The following TMEM178B variants were observed in gnomAD, a reference collection of about 807,000 sequenced individuals.
TMEM178B encodes the protein transmembrane protein 178B.
A neutral mutation model predicts 31.0 loss-of-function variants in TMEM178B; 5 were observed. The ratio of observed to expected loss-of-function variants is 0.16; its 90% CI spans 0.08 to 0.34. The LOEUF is 0.34. Ranked by LOEUF, TMEM178B falls within the 10% of genes least tolerant of loss-of-function variation. TMEM178B has a pLI of 1.00. For missense variants in TMEM178B, 275 were observed against 400.3 expected (o/e 0.69, Z 2.67); for synonymous variants, 164 against 164.0 (o/e 1.00, Z 0.00).
At chr7:141,167,431 G>A (rs1028279248) in intron 1 of TMEM178B, among the ~76,000 whole-genome samples, 6 of 152,242 alleles carry the variant, frequency 3.9e-5, no homozygotes, top group African/African-American at 9.6e-5. Context: ...GTGAGTGTGC[G>A]CGAATCGTGT....
chr7:141,196,045 G>A (rs1168832764), intron 1 of TMEM178B, among the ~76,000 whole-genome samples: 3 of 152,116 alleles, frequency 2.0e-5, no homozygotes, highest in Non-Finnish European at 2.9e-5. Flanking sequence ...TTTGAGTGGG[G>A]ACACAGCCAA....
chr7:141,214,225 CCATT>C (rs919168266), intron 2 of TMEM178B, among the ~76,000 whole-genome samples: 8 of 152,128 alleles, frequency 5.3e-5, no homozygotes, highest in Non-Finnish European at 8.8e-5. Flanking sequence ...TGTGGATTAA[CCATT>C]GAAATCTAAC....
chr7:141,501,477 G>A, the TMEM178B span, among the ~76,000 whole-genome samples: 5 of 152,046 alleles, frequency 3.3e-5, no homozygotes, highest in Non-Finnish European at 4.4e-5. Flanking sequence ...ACACTGTGAT[G>A]GTCTAATTTT....
chr7:141,441,916 G>A (rs758082541), intron 3 of TMEM178B, among the ~76,000 whole-genome samples: 15 of 152,140 alleles, frequency 9.9e-5, no homozygotes, highest in Non-Finnish European at 1.6e-4. Flanking sequence ...TAATTAAGTA[G>A]GGCAGCTTTG....
intron 2 of TMEM178B, among the ~76,000 whole-genome samples, chr7:141,233,115 C>G (rs1797473466): frequency 6.6e-6 from 1 of 152,214 alleles, no homozygotes; most frequent in African/African-American, 2.4e-5. Flanking sequence ...CCCTGCTCCT[C>G]TCTCCAAGGC....
At chr7:141,174,285 C>A (rs1342710818) in intron 1 of TMEM178B, among the ~76,000 whole-genome samples, 2 of 152,178 alleles carry the variant, frequency 1.3e-5, no homozygotes, top group African/African-American at 4.8e-5. Flanking sequence ...CTGCAAAGGA[C>A]ATGAACTCAT....
intron 1 of TMEM178B, among the ~76,000 whole-genome samples, chr7:141,138,190 T>C (rs564786275): frequency 6.6e-6 from 1 of 151,902 alleles, no homozygotes; most frequent in African/African-American, 2.4e-5. Flanking sequence ...GCCTCCCGAA[T>C]AGCTGGGACT....
chr7:141,258,473 A>G (rs1285294154), intron 2 of TMEM178B, among the ~76,000 whole-genome samples: 1 of 149,984 alleles, frequency 6.7e-6, no homozygotes, highest in Admixed American at 6.6e-5. Flanking sequence ...TAAATAATAA[A>G]TCTTATGCCT....
chr7:141,142,477 T>C (rs1795788851), intron 1 of TMEM178B, among the ~76,000 whole-genome samples: 1 of 151,720 alleles, frequency 6.6e-6, no homozygotes, highest in South Asian at 2.1e-4. Flanking sequence ...GTGCATTCTC[T>C]GCTCGCTGCA....
chr7:141,140,170 G>A (rs1795747919), intron 1 of TMEM178B, among the ~76,000 whole-genome samples: 1 of 152,110 alleles, frequency 6.6e-6, no homozygotes, highest in Non-Finnish European at 1.5e-5. Context: ...CTTGTTTATG[G>A]CACTTCAGGC....
At chr7:141,227,501 A>G (rs1797365290) in intron 2 of TMEM178B, among the ~76,000 whole-genome samples, 2 of 152,210 alleles carry the variant, frequency 1.3e-5, no homozygotes, top group South Asian at 2.1e-4. Context: ...TATTATTATT[A>G]TATCTGTTTG....
At chr7:141,346,929 TGTG>T (rs1799629616) in intron 2 of TMEM178B, among the ~76,000 whole-genome samples, 1 of 152,092 alleles carries the variant, frequency 6.6e-6, no homozygotes, top group African/African-American at 2.4e-5. Context: ...GGATTGTGGG[TGTG>T]GTGTCTAGTG....
intron 1 of TMEM178B, among the ~76,000 whole-genome samples, chr7:141,160,844 T>G (rs1447637772): frequency 6.6e-6 from 1 of 152,104 alleles, no homozygotes; most frequent in Non-Finnish European, 1.5e-5. Context: ...TTCAACACAT[T>G]TTTATTGGAT....
At chr7:141,197,391 G>A (rs1432794202) in intron 1 of TMEM178B, among the ~76,000 whole-genome samples, 2 of 152,188 alleles carry the variant, frequency 1.3e-5, no homozygotes, top group East Asian at 3.9e-4. Flanking sequence ...AGTGCTGCAG[G>A]ACACAGGAGG....
chr7:141,336,975 C>T (rs1195777656), intron 2 of TMEM178B, among the ~76,000 whole-genome samples: 22 of 103,444 alleles, frequency 2.1e-4, no homozygotes, highest in African/African-American at 3.7e-4. Flanking sequence ...ACCACCACCA[C>T]CACCACCCCC....
intron 2 of TMEM178B, among the ~76,000 whole-genome samples, chr7:141,408,838 G>T (rs1032479115): frequency 6.6e-6 from 1 of 152,190 alleles, no homozygotes; most frequent in African/African-American, 2.4e-5. Flanking sequence ...CGCAGAAAGG[G>T]GAGGTGAGTT....
intron 2 of TMEM178B, among the ~76,000 whole-genome samples, chr7:141,309,628 G>A (rs1246181248): frequency 1.3e-5 from 2 of 152,080 alleles, no homozygotes; most frequent in Non-Finnish European, 2.9e-5. Context: ...GTGACTTGAT[G>A]ATAAACTAAA....
chr7:141,477,229 G>GTGAC lies in TMEM178B; in HGVS notation c.*6446_*6449dup, dbSNP rs1802388606. On this transcript the variant is annotated 3_prime_UTR_variant, in exon 4 of 4. Transcript: ENST00000565468. Reference sequence around the variant, plus strand: ...CTCCTTCCCCATTTCCACCCATGGTGTGACTGTTTTGCTATTCAAGACTAT... The same window carrying GTGAC: ...CTCCTTCCCCATTTCCACCCATGGTGTGACTGACTGTTTTGCTATTCAAGACTAT... 1 of 154,822 alleles carries GTGAC rather than the reference G, an allele frequency of 6.5e-6. No homozygotes were observed. The highest frequency in any genetic ancestry group is 2.4e-5 in the African/African-American group (1 of 41,518). The allele number at this position is 154,822 out of a possible 1,614,324, so 9.6% of individuals were successfully genotyped here.
chr7:141,142,086 T>G (rs915304588), intron 1 of TMEM178B, among the ~76,000 whole-genome samples: 1 of 152,216 alleles, frequency 6.6e-6, no homozygotes, highest in East Asian at 1.9e-4. Flanking sequence ...TGTCTATTGT[T>G]GCCATCCTTA....
Sources: allele counts gnomAD v4.1 joint callset (sites outside exome capture counted in the v4.1 genomes callset), GRCh38; gene constraint gnomAD v4.1.1; transcripts MANE v1.5; gene names NCBI Gene and HGNC (gene_info 2026-07-23, HGNC 2026-07-21).